COX6A1: variants seen among roughly 807,000 people sequenced by gnomAD.
COX6A1 encodes cytochrome c oxidase subunit 6A1, also known as cytochrome c oxidase subunit 6A1, mitochondrial.
Under a neutral mutation model 11.3 loss-of-function variants are expected in COX6A1, and 10 were observed. That is an observed-to-expected ratio of 0.88 (90% CI 0.54 to 1.50). COX6A1 has a LOEUF of 1.50. Ranked by LOEUF, COX6A1 falls within the 40% of genes most tolerant of loss-of-function variation. The pLI is 0.00. For missense variants in COX6A1, 149 were observed against 147.6 expected (o/e 1.01, Z -0.05); for synonymous variants, 81 against 60.6 (o/e 1.34, Z -1.57).
intron 1 of COX6A1, 72 bp from the exon 2 acceptor site, chr12:120,438,307 G>C: frequency 6.2e-7 from 1 of 1,613,484 alleles, no homozygotes; most frequent in Non-Finnish European, 8.5e-7. Flanking sequence ...CTTGGCCCGA[G>C]GCCTTGCGGG....
intron 1 of COX6A1, 54 bp from the exon 2 acceptor site, chr12:120,438,325 G>C (rs769269551): frequency 5.6e-6 from 9 of 1,613,918 alleles, no homozygotes; most frequent in Non-Finnish European, 7.6e-6. Context: ...GGGAGGGAAA[G>C]TGAGACCCGG....
Position 120,440,526 on chromosome 12 carries a change from G to C in COX6A1, c.319G>C (p.Glu107Gln). The C allele has an allele frequency of 6.2e-7, 1 of 1,607,092 alleles. No homozygotes were observed. Among genetic ancestry groups the C allele is most frequent in the Non-Finnish European group, 8.5e-7 (1 of 1,173,738 alleles). The change falls in exon 3 of 3, where the codon GAA becomes CAA. Residue 107 changes from glutamate to glutamine, a missense_variant. Glu to Gln is a conservative substitution (Grantham distance 29). Transcript: ENST00000229379. ...TGTGAATCCACTTCCAACTGGCTAC[G>C]AAGATGAATAAAGAGAATCTGGACC... The part of the protein sequence containing the change: ...PHVNPLPTGY[E>Q]DE
chr12:120,440,544 T>C lies in COX6A1; in HGVS notation c.*7T>C. The C allele has an allele frequency of 1.3e-6, 2 of 1,589,830 alleles. No individual in the cohort carries two copies. Among genetic ancestry groups the C allele is most frequent in the Non-Finnish European group, 1.7e-6 (2 of 1,158,106 alleles). On this transcript the variant is annotated 3_prime_UTR_variant, in exon 3 of 3. Coordinates refer to ENST00000229379, the MANE Select transcript of COX6A1 (RefSeq NM_004373.4). Reference sequence around the variant, plus strand: ...TGGCTACGAAGATGAATAAAGAGAATCTGGACCACTACCCGGGCACCAGGG... The same window carrying C: ...TGGCTACGAAGATGAATAAAGAGAACCTGGACCACTACCCGGGCACCAGGG...
chr12:120,438,189 G>A lies in COX6A1; in HGVS notation c.63G>A (p.Gly21=), dbSNP rs774093378. ...RLLGRSRPQL[G]RPMSSGAHGE... ...TGGGTCGGTCCCGCCCACAGCTGGG[G>A]CGGCCTATGTCGAGTGGCGCCCATG... The change falls in exon 1 of 3, where the codon GGG becomes GGA. Residue 21 remains glycine, a synonymous_variant. Transcript: ENST00000229379. 6.2e-7 allele frequency: 1 copy of A among 1,613,884 alleles called. No individual in the cohort carries two copies. Among genetic ancestry groups the A allele is most frequent in the African/African-American group, 1.3e-5 (1 of 74,948 alleles).
rs755516912 is a variant in COX6A1, at chr12:120,438,118, A to T, written c.-9A>T. The T allele has an allele frequency of 1.9e-6, 3 of 1,613,000 alleles. No homozygotes were observed. The highest frequency in any genetic ancestry group is 2.5e-6 in the Non-Finnish European group (3 of 1,179,676). ...TCCGCTTCCGGCGCTGCGGCAGTCC[A>T]GATCAAAAATGGCGGTAGTTGGTGT... On this transcript the variant is annotated 5_prime_UTR_variant, in exon 1 of 3. Transcript: ENST00000229379.
chr12:120,438,788 C>CTTTTT lies in COX6A1; in HGVS notation c.246+289_246+293dup, dbSNP rs376239130. The CTTTTT allele has an allele frequency of 7.2e-4, 87 of 120,064 alleles. 4 individuals carry two copies. The highest frequency in any genetic ancestry group is 2.2e-3 in the South Asian group (25 of 11,572). The allele number at this position is 120,064 out of a possible 1,614,324, so 7.4% of individuals were successfully genotyped here. ...CTACCTCCTGCCTTCTGAGACAGTT[C>CTTTTT]TTTTTTTTTTTTTTTTTTTTTTTTT... On this transcript the variant is annotated intron_variant, in intron 2 of 2. Transcript: ENST00000229379.
Position 120,438,234 on chromosome 12 carries a change from TG to T in COX6A1, c.103+9del. The T allele has an allele frequency of 6.2e-7, 1 of 1,613,316 alleles. No individual in the cohort carries two copies. On this transcript the variant is annotated splice_donor_region_variant and intron_variant, in intron 1 of 2. Transcript: ENST00000229379. ...CCCATGGCGAAGAGGGCTCAGGTAC[TG>T]GGGCCGGGGTCGACGGGTCGAGCCT...
chr12:120,439,275 C>G (rs561055854), intron 2 of COX6A1, among the ~76,000 whole-genome samples: 5 of 152,288 alleles, frequency 3.3e-5, no homozygotes, highest in Admixed American at 3.3e-4. Flanking sequence ...GCCTGTAATC[C>G]CAGCACTTTG....
chr12:120,439,304 A>G (rs1272845249), intron 2 of COX6A1, among the ~76,000 whole-genome samples: 1 of 152,186 alleles, frequency 6.6e-6, no homozygotes, highest in Non-Finnish European at 1.5e-5. Flanking sequence ...AGGTGGGTGG[A>G]TCGCCGGAGG....
chr12:120,439,056 C>T (rs2137031329), intron 2 of COX6A1, among the ~76,000 whole-genome samples: 2 of 152,128 alleles, frequency 1.3e-5, no homozygotes, highest in East Asian at 3.9e-4. Flanking sequence ...AACAAAACAG[C>T]AACAACAAAA....
chr12:120,438,738 C>A, intron 2 of COX6A1: 1 of 510,134 alleles, frequency 2.0e-6, no homozygotes, highest in Non-Finnish European at 3.4e-6. Flanking sequence ...AAGTGCTCTT[C>A]AGTTTCCCTT....
Position 120,440,513 on chromosome 12 carries a change from T to C in COX6A1, c.306T>C (p.Leu102=), listed in dbSNP as rs1565909942. 1.2e-6 allele frequency: 2 copies of C among 1,611,454 alleles called. No individual in the cohort carries two copies. The highest frequency in any genetic ancestry group is 2.2e-5 in the South Asian group (2 of 91,016). The change falls in exon 3 of 3, where the codon CTT becomes CTC. Residue 102 remains leucine (L), a synonymous_variant. Coordinates refer to ENST00000229379, the MANE Select transcript of COX6A1 (RefSeq NM_004373.4). ...TCCATAACCCTCATGTGAATCCACT[T>C]CCAACTGGCTACGAAGATGAATAAA... The part of the protein sequence containing the change: ...TLFHNPHVNP[L]PTGYEDE
rs1008138366 is a variant in COX6A1, at chr12:120,440,234, T to C, written c.247-220T>C. On this transcript the variant is annotated intron_variant, in intron 2 of 2. Transcript: ENST00000229379. The stretch of plus-strand genomic sequence containing the variant: ...ATTTTCTGCCATCCATATTTGTTTC[T>C]GGAATTAAAACTGTCCTGTAGCCAG... The C allele has an allele frequency of 9.1e-6, 4 of 441,044 alleles. 1 individual carries two copies. The highest frequency in any genetic ancestry group is 8.9e-5 in the South Asian group (3 of 33,624). 27.3% of individuals were successfully genotyped at this position (441,044 alleles called of 1,614,324 possible).
rs114944041 is a variant in COX6A1, at chr12:120,440,697, G to A, written c.*160G>A. 3 of 516,068 alleles carry A rather than the reference G, an allele frequency of 5.8e-6. No homozygotes were observed. Among genetic ancestry groups the A allele is most frequent in the African/African-American group, 3.9e-5 (2 of 51,550 alleles). The allele number at this position is 516,068 out of a possible 1,614,324, so 32.0% of individuals were successfully genotyped here. A position where few individuals can be genotyped will look rare whatever the true frequency, so the allele number is the denominator to read the frequency against. On this transcript the variant is annotated 3_prime_UTR_variant, in exon 3 of 3. Coordinates refer to ENST00000229379, the MANE Select transcript of COX6A1 (RefSeq NM_004373.4). ...CTGGTCTCCCATCCCTTTGCTTGTG[G>A]CAGGAGATGGCTTAAATAAATAACT...
chr12:120,439,736 G>C (rs544855959), intron 2 of COX6A1, among the ~76,000 whole-genome samples: 2 of 152,142 alleles, frequency 1.3e-5, no homozygotes, highest in African/African-American at 4.8e-5. Context: ...AAACAGTAAA[G>C]GTTTCTCAGC....
Position 120,440,503 on chromosome 12 carries a change from T to A in COX6A1, c.296T>A (p.Val99Glu). Residue 99 changes from valine (V) to glutamate (E), a missense_variant, in exon 3 of 3, where the codon GTG becomes GAG. Transcript: ENST00000229379. ...CATACTCTATTCCATAACCCTCATGTGAATCCACTTCCAACTGGCTACGAA... is the reference window on the plus strand; with the variant it reads ...CATACTCTATTCCATAACCCTCATGAGAATCCACTTCCAACTGGCTACGAA... ...GNHTLFHNPHVNPLPTGYEDE is the reference protein window; with the variant it reads ...GNHTLFHNPHENPLPTGYEDE The A allele has an allele frequency of 6.2e-7, 1 of 1,613,394 alleles. No individual in the cohort carries two copies. The highest frequency in any genetic ancestry group is 8.5e-7 in the Non-Finnish European group (1 of 1,179,304).
In COX6A1 at chr12:120,438,196, A is replaced by G. The variant is rs148951026; in HGVS notation, c.70A>G (p.Met24Val). 7.4e-5 allele frequency: 119 copies of G among 1,613,742 alleles called. No individual in the cohort carries two copies. Among genetic ancestry groups the G allele is most frequent in the Non-Finnish European group, 1.9e-5 (23 of 1,179,944 alleles). The change falls in exon 1 of 3, where the codon ATG becomes GTG. Residue 24 changes from methionine to valine, a missense_variant. Coordinates refer to ENST00000229379, the MANE Select transcript of COX6A1 (RefSeq NM_004373.4). ...GTCCCGCCCACAGCTGGGGCGGCCT[A>G]TGTCGAGTGGCGCCCATGGCGAAGA... ...GRSRPQLGRPMSSGAHGEEGS... is the reference protein window; with the variant it reads ...GRSRPQLGRPVSSGAHGEEGS...
At position 120,438,203 on chromosome 12, in the gene COX6A1, G is replaced by C; in HGVS notation, c.77G>C (p.Ser26Thr). The change falls in exon 1 of 3, where the codon AGT becomes ACT. Residue 26 changes from serine (S) to threonine (T), a missense_variant. Coordinates refer to ENST00000229379, the MANE Select transcript of COX6A1 (RefSeq NM_004373.4). ...SRPQLGRPMS[S>T]GAHGEEGSAR... ...CCACAGCTGGGGCGGCCTATGTCGA[G>C]TGGCGCCCATGGCGAAGAGGGCTCA... 1 of 1,613,966 alleles carries C rather than the reference G, an allele frequency of 6.2e-7. No individual in the cohort carries two copies. Among genetic ancestry groups the C allele is most frequent in the Non-Finnish European group, 8.5e-7 (1 of 1,179,966 alleles).
intron 2 of COX6A1, 46 bp downstream of exon 2, chr12:120,438,567 T>C (rs368647534): frequency 3.7e-6 from 6 of 1,614,016 alleles, no homozygotes; most frequent in Middle Eastern, 1.7e-4. Flanking sequence ...CTTTTCGTTA[T>C]GTGTGCCTTA....
Sources: gnomAD v4.1 joint callset for allele counts (sites outside exome capture counted in the v4.1 genomes callset) on GRCh38, gnomAD v4.1.1 for gene constraint, MANE v1.5 for transcripts, NCBI Gene and HGNC (gene_info 2026-07-23, HGNC 2026-07-21) for gene names.